GAN: variants seen among roughly 807,000 people sequenced by gnomAD.
GAN encodes the protein epididymis secretory sperm binding protein.
Under a neutral mutation model 71.3 loss-of-function variants are expected in GAN, and 48 were observed. The observed-to-expected ratio is 0.67, with a 90% CI of 0.53 to 0.86. The LOEUF (loss-of-function observed/expected upper bound fraction) is 0.86. Ranked by LOEUF, GAN falls within the 40% of genes least tolerant of loss-of-function variation. The probability of loss-of-function intolerance (pLI) is 0.00; values close to 1 mark genes in which losing one functional copy is unlikely to be tolerated. For synonymous variants in GAN, 386 were observed against 276.8 expected, an observed-to-expected ratio of 1.39 and a Z score of -3.92; for missense variants, 928 against 770.1, an observed-to-expected ratio of 1.21 and a Z score of -2.43.
rs147864771 is a variant in GAN at position 81,377,227 on chromosome 16, A to G, written c.1511A>G (p.Tyr504Cys). The G allele has an allele frequency of 6.0e-5, 96 of 1,598,418 alleles. No individual in the cohort carries two copies. Among genetic ancestry groups the G allele is most frequent in the Non-Finnish European group, 7.6e-5 (89 of 1,165,840 alleles). ...FYHDEFKRWI[Y>C]LNDQNLCIPA... ...ATGGGCTTTGTTTTCAGGTGGATCT[A>G]TCTTAACGACCAGAATTTATGCATC... is the stretch of plus-strand genomic sequence containing the variant. The change falls in exon 10 of 11, where the codon TAT (tyrosine) becomes TGT (cysteine). Residue 504 changes from tyrosine to cysteine, a missense_variant. Transcript: ENST00000648994.
At chr16:81,343,059 C>G (rs1338402411) in intron 1 of GAN, among the ~76,000 whole-genome samples, 2 of 152,008 alleles carry the variant, frequency 1.3e-5, no homozygotes, top group Non-Finnish European at 2.9e-5. Flanking sequence ...ACACATACAC[C>G]CTCCCAAAAC....
At chr16:81,335,912 C>CT (rs1476833230) in intron 1 of GAN, among the ~76,000 whole-genome samples, 2 of 152,134 alleles carry the variant, frequency 1.3e-5, no homozygotes, top group East Asian at 3.8e-4. Context: ...GAGTCCAGCT[C>CT]TGAGCTCAGT....
rs1180974018 is a variant in GAN at position 81,345,433 on chromosome 16, C to T, written c.168-6150C>T. 1.3e-5 allele frequency among the ~76,000 whole-genome samples: 2 copies of T among 152,266 alleles called. 1 individual carries two copies. The highest frequency in any genetic ancestry group is 1.3e-4 in the Admixed American group (2 of 15,294). Reference sequence around the variant, plus strand: ...ATGCAGCCATAAAAAAGGATGAGTTCATGTCTTTTGCAGGGACATGGATGA... The same window carrying T: ...ATGCAGCCATAAAAAAGGATGAGTTTATGTCTTTTGCAGGGACATGGATGA... On this transcript the variant is annotated intron_variant, in intron 1 of 10. Coordinates refer to ENST00000648994, the MANE Select transcript of GAN (RefSeq NM_022041.4).
intron 1 of GAN, among the ~76,000 whole-genome samples, chr16:81,340,933 T>C (rs1380327398): frequency 6.6e-6 from 1 of 151,956 alleles, no homozygotes; most frequent in Non-Finnish European, 1.5e-5. Flanking sequence ...ATAACCAGTG[T>C]AGAGAAGACC....
intron 1 of GAN, among the ~76,000 whole-genome samples, chr16:81,325,617 A>G (rs181593467): frequency 1.4e-4 from 21 of 152,364 alleles, no homozygotes; most frequent in Admixed American, 1.3e-3. Flanking sequence ...ACATGGAGCT[A>G]CTAGACCAAT....
chr16:81,315,090 G>T lies in GAN; in HGVS notation c.-24G>T. The T allele has an allele frequency of 6.8e-7, 1 of 1,467,942 alleles. No individual in the cohort carries two copies. Among genetic ancestry groups the T allele is most frequent in the Non-Finnish European group, 9.1e-7 (1 of 1,104,250 alleles). The allele number at this position is 1,467,942 out of a possible 1,614,324, so 90.9% of individuals were successfully genotyped here. A position where few individuals can be genotyped will look rare whatever the true frequency, so the allele number is the denominator to read the frequency against. On this transcript the variant is annotated 5_prime_UTR_variant, in exon 1 of 11. Transcript: ENST00000648994. ...CCGGACGGTGTCGGGAGCCGGACCCGTCGGCAGAGGAGCGGGCGCCGCGAT... is the reference window on the plus strand; with the variant it reads ...CCGGACGGTGTCGGGAGCCGGACCCTTCGGCAGAGGAGCGGGCGCCGCGAT...
At chr16:81,368,925 A>G (rs532613300) in intron 9 of GAN, among the ~76,000 whole-genome samples, 1 of 152,328 alleles carries the variant, frequency 6.6e-6, no homozygotes, top group Admixed American at 6.5e-5. Flanking sequence ...TACTAAACAA[A>G]GGTAATAGTT....
intron 5 of GAN, among the ~76,000 whole-genome samples, chr16:81,359,382 C>T (rs375377582): frequency 5.4e-4 from 79 of 146,084 alleles, no homozygotes; most frequent in African/African-American, 1.9e-3. Context: ...TGAGGAGGTC[C>T]TTCCGTTTGT....
At chr16:81,368,650 A>C (rs1203712712) in intron 9 of GAN, among the ~76,000 whole-genome samples, 1 of 151,860 alleles carries the variant, frequency 6.6e-6, no homozygotes, top group East Asian at 1.9e-4. Flanking sequence ...GTACTTTGCA[A>C]CTCATCAGTT....
Position 81,326,162 on chromosome 16 carries a change from CCAT to C in GAN, c.167+10887_167+10889del, listed in dbSNP as rs1449351712. On this transcript the variant is annotated intron_variant, in intron 1 of 10. Coordinates refer to ENST00000648994, the MANE Select transcript of GAN (RefSeq NM_022041.4). ...CATATGGAGTGGGTGATTTTAAAGC[CCAT>C]CATCTTTTTTGTCCAGGGCCAGGGG... 2.6e-5 allele frequency among the ~76,000 whole-genome samples: 4 copies of C among 152,026 alleles called. No homozygotes were observed. The East Asian group carries it at 7.7e-4, about 29-fold the overall frequency.
At chr16:81,358,879 A>G (rs1910578707) in intron 5 of GAN, among the ~76,000 whole-genome samples, 1 of 152,214 alleles carries the variant, frequency 6.6e-6, no homozygotes. Flanking sequence ...AATTGTGGTC[A>G]GCAGCCCTCC....
chr16:81,380,961 G>C lies in GAN; in HGVS notation c.*3365G>C, dbSNP rs1350703695. 6.6e-6 allele frequency: 1 copy of C among 152,172 alleles called. No individual in the cohort carries two copies. Among genetic ancestry groups the C allele is most frequent in the East Asian group, 1.9e-4 (1 of 5,198 alleles). The allele number at this position is 152,172 out of a possible 1,614,324, so 9.4% of individuals were successfully genotyped here. A position where few individuals can be genotyped will look rare whatever the true frequency, so the allele number is the denominator to read the frequency against. On this transcript the variant is annotated 3_prime_UTR_variant, in exon 11 of 11. Coordinates refer to ENST00000648994, the MANE Select transcript of GAN (RefSeq NM_022041.4). The stretch of plus-strand genomic sequence containing the variant: ...AACAACCAAAAAGGAGCATTTGGGG[G>C]TATGTTGGATGGTGTTTTGTTTGTA...
chr16:81,328,392 A>G (rs534608817), intron 1 of GAN, among the ~76,000 whole-genome samples: 39 of 152,320 alleles, frequency 2.6e-4, no homozygotes, highest in African/African-American at 8.4e-4. Flanking sequence ...ATTACATCAT[A>G]TTACTGTTTC....
chr16:81,323,949 A>G (rs964184071), intron 1 of GAN, among the ~76,000 whole-genome samples: 2 of 152,212 alleles, frequency 1.3e-5, no homozygotes, highest in Non-Finnish European at 2.9e-5. Flanking sequence ...TGGAGAAGGA[A>G]ATAAACATAA....
At chr16:81,356,332 C>T (rs1010746196) in intron 3 of GAN, among the ~76,000 whole-genome samples, 1 of 151,568 alleles carries the variant, frequency 6.6e-6, no homozygotes, top group African/African-American at 2.4e-5. Flanking sequence ...TAAACTTTGG[C>T]TTTTGTATAT....
chr16:81,365,533 C>T (rs1326671515), intron 9 of GAN, 55 bp downstream of exon 9: 6 of 1,549,442 alleles, frequency 3.9e-6, no homozygotes, highest in African/African-American at 1.4e-5. Context: ...TGCTTTCAGT[C>T]GTATTTTAGC....
chr16:81,367,374 A>C (rs934464286), intron 9 of GAN, among the ~76,000 whole-genome samples: 1 of 152,040 alleles, frequency 6.6e-6, no homozygotes, highest in East Asian at 1.9e-4. Flanking sequence ...AGTACAAAAA[A>C]AAAAATTAGC....
At position 81,330,718 on chromosome 16, in the gene GAN, T is replaced by C. The variant is rs78916840; in HGVS notation, c.167+15438T>C. ...TTGAGGAGAAAAAGGTATTTATGTA[T>C]TCCCAAATTATCTCCTTGAATATAC... On this transcript the variant is annotated intron_variant, in intron 1 of 10. Coordinates refer to ENST00000648994, the MANE Select transcript of GAN (RefSeq NM_022041.4). 9.7e-3 allele frequency among the ~76,000 whole-genome samples: 1,485 copies of C among 152,326 alleles called. 25 individuals are homozygous for C. Among genetic ancestry groups the C allele is most frequent in the African/African-American group, 0.035 (1,435 of 41,576 alleles).
At chr16:81,332,047 G>A (rs938606598) in intron 1 of GAN, among the ~76,000 whole-genome samples, 5 of 151,970 alleles carry the variant, frequency 3.3e-5, no homozygotes, top group Non-Finnish European at 5.9e-5. Context: ...TGTGATCCCA[G>A]CTACTTGGAA....
Sources: allele counts gnomAD v4.1 joint callset (sites outside exome capture counted in the v4.1 genomes callset), GRCh38; gene constraint gnomAD v4.1.1; transcripts MANE v1.5; gene names NCBI Gene and HGNC (gene_info 2026-07-23, HGNC 2026-07-21).